The following DENND3 variants were observed in gnomAD, a reference collection of about 807,000 sequenced individuals.
DENND3 encodes the protein DENN domain-containing protein 3.
A neutral mutation model predicts 135.1 loss-of-function variants in DENND3; 88 were observed. The observed-to-expected ratio is 0.65, with a 90% CI of 0.55 to 0.78. The LOEUF (loss-of-function observed/expected upper bound fraction) is 0.78, where lower values mean the gene tolerates loss of function less well. Among genes scored for constraint, DENND3 ranks in the 30% least tolerant of loss-of-function variants. The probability of loss-of-function intolerance (pLI) is 0.00; values close to 1 mark genes in which losing one functional copy is unlikely to be tolerated. For missense variants in DENND3, 1,392 were observed against 1,688.4 expected (o/e 0.82, Z 3.08); for synonymous variants, 693 against 712.3 (o/e 0.97, Z 0.43).
chr8:141,145,818 TATATATATATATATATATATA>T (rs1817969288), intron 5 of DENND3, among the ~76,000 whole-genome samples: 2 of 30,240 alleles, frequency 6.6e-5, no homozygotes, highest in African/African-American at 5.2e-4. Flanking sequence ...TATATATATA[TATATATATATATATATATATA>T]TATATATATA....
intron 8 of DENND3, 30 bp from the exon 9 acceptor site, chr8:141,160,602 C>A: frequency 6.4e-7 from 1 of 1,571,444 alleles, no homozygotes; most frequent in Non-Finnish European, 8.7e-7. Context: ...GCTGCTGGGG[C>A]TGAGCTAGCT....
rs147664697 is a variant in DENND3, at chr8:141,141,415, G to T, written c.623+91G>T. 1.2e-3 allele frequency: 1,827 copies of T among 1,462,504 alleles called. 12 individuals are homozygous for T. In the African/African-American group the frequency reaches 0.021, roughly 17 times the overall value. The allele number at this position is 1,462,504 out of a possible 1,614,324, so 90.6% of individuals were successfully genotyped here. ...AAGGGACCAGGGGGCTGGAGGTGGT[G>T]GGGGGGCAGCTCTCTGTTCCTCTCC... On this transcript the variant is annotated intron_variant, in intron 4 of 22. Coordinates refer to ENST00000519811, the MANE Select transcript of DENND3 (RefSeq NM_001352890.3). This position sits in a 1 kb window ranked among gnomAD's most constrained non-coding sequence, Gnocchi z 5.3.
At chr8:141,164,199 C>T (rs1820486292) in intron 10 of DENND3, among the ~76,000 whole-genome samples, 1 of 152,242 alleles carries the variant, frequency 6.6e-6, no homozygotes, top group South Asian at 2.1e-4. Context: ...AGCTGGGCTA[C>T]TGTGTGTCTC....
Position 141,175,521 on chromosome 8 carries a change from AGTG to A in DENND3, c.2535+64_2535+66del. ...CTGTGTTTAGGAGACAGATGGCTGG[AGTG>A]GGCCCTGAGCAGTCTGCCAGCCATG... On this transcript the variant is annotated intron_variant, in intron 14 of 22. Transcript: ENST00000519811. This position sits in a 1 kb window ranked among gnomAD's most constrained non-coding sequence, Gnocchi z 5.4. The A allele has an allele frequency of 6.2e-7, 1 of 1,611,726 alleles. No homozygotes were observed. Among genetic ancestry groups the A allele is most frequent in the Middle Eastern group, 1.7e-4 (1 of 6,060 alleles).
rs1217006693 is a variant in DENND3, at chr8:141,175,213, A to G, written c.2289A>G (p.Gln763=). The G allele has an allele frequency of 1.2e-5, 19 of 1,613,448 alleles. No homozygotes were observed. The highest frequency in any genetic ancestry group is 1.4e-5 in the Non-Finnish European group (17 of 1,179,658). Reference sequence around the variant, plus strand: ...TATCAAACTAAGGACAGGAGAAACAAATCGACCCAGAAACATTCAAAGATT... The same window carrying G: ...TATCAAACTAAGGACAGGAGAAACAGATCGACCCAGAAACATTCAAAGATT... ...FEALTVGQEK[Q]IDPETFKDFY... is the part of the protein sequence containing the mutation. Residue 763 remains glutamine (Q), a synonymous_variant, in exon 14 of 23, where the codon CAA becomes CAG. Coordinates refer to ENST00000519811, the MANE Select transcript of DENND3 (RefSeq NM_001352890.3). The surrounding 1 kb of genome is among the most constrained non-coding windows in gnomAD (Gnocchi z 5.4).
chr8:141,190,661 C>T (rs2288996), intron 20 of DENND3: 72,718 of 492,964 alleles, frequency 0.15, 6,139 homozygotes, highest in Non-Finnish European at 0.18. Flanking sequence ...CTTGCCTGGA[C>T]GCACCACTGC....
intron 8 of DENND3, chr8:141,157,420 A>C (rs1819575914): frequency 4.1e-6 from 4 of 985,354 alleles, no homozygotes; most frequent in Non-Finnish European, 4.8e-6. Context: ...GCAGGAGGAG[A>C]GATCCTGCTC....
Position 141,175,528 on chromosome 8 carries a change from C to G in DENND3, c.2535+69C>G. On this transcript the variant is annotated intron_variant, in intron 14 of 22. Transcript: ENST00000519811. The surrounding 1 kb of genome is among the most constrained non-coding windows in gnomAD (Gnocchi z 5.4). Reference sequence around the variant, plus strand: ...TAGGAGACAGATGGCTGGAGTGGGCCCTGAGCAGTCTGCCAGCCATGCCAA... The same window carrying G: ...TAGGAGACAGATGGCTGGAGTGGGCGCTGAGCAGTCTGCCAGCCATGCCAA... 1 of 1,610,056 alleles carries G rather than the reference C, an allele frequency of 6.2e-7. No individual in the cohort carries two copies. Among genetic ancestry groups the G allele is most frequent in the Admixed American group, 1.7e-5 (1 of 59,976 alleles).
Position 141,130,577 on chromosome 8 carries a change from A to G in DENND3, c.102+1768A>G, listed in dbSNP as rs1358157008. Among the ~76,000 whole-genome samples, 6 of 152,166 alleles carry G rather than the reference A, an allele frequency of 3.9e-5. No individual in the cohort carries two copies. The highest frequency in any genetic ancestry group is 8.8e-5 in the Non-Finnish European group (6 of 68,032). On this transcript the variant is annotated intron_variant, in intron 1 of 22. Coordinates refer to ENST00000519811, the MANE Select transcript of DENND3 (RefSeq NM_001352890.3). The surrounding 1 kb of genome is among the most constrained non-coding windows in gnomAD (Gnocchi z 4.2). ...TTAGGGGATGGATTCCATTTCTTGG[A>G]GCCATCCTACTTTTAAGGTCAATAT... is the stretch of plus-strand genomic sequence containing the variant.
intron 18 of DENND3, 72 bp downstream of exon 18, chr8:141,185,350 A>G (rs776693839): frequency 1.3e-6 from 2 of 1,591,314 alleles, no homozygotes; most frequent in Admixed American, 1.7e-5. Context: ...GTGTTCATCC[A>G]TATTCGACAG....
At chr8:141,183,978 T>G (rs77911594) in intron 17 of DENND3, among the ~76,000 whole-genome samples, 2,256 of 152,242 alleles carry the variant, frequency 0.015, 59 homozygotes, top group African/African-American at 0.05. Flanking sequence ...TTTCGGCCCC[T>G]TGAGGTTCTG....
At chr8:141,169,374 C>T (rs114397654) in intron 13 of DENND3, among the ~76,000 whole-genome samples, 12 of 152,276 alleles carry the variant, frequency 7.9e-5, no homozygotes, top group African/African-American at 2.9e-4. Context: ...GAGCTGCGCT[C>T]TGTGTGGGTG....
rs1183158849 is a variant in DENND3 at position 141,194,057 on chromosome 8, G to A, written c.3661G>A (p.Gly1221Arg). 5 of 1,613,686 alleles carry A rather than the reference G, an allele frequency of 3.1e-6. No individual in the cohort carries two copies. Among genetic ancestry groups the A allele is most frequent in the Admixed American group, 1.7e-5 (1 of 60,008 alleles). Residue 1221 changes from glycine (G) to arginine (R), a missense_variant, in exon 23 of 23, where the codon GGG (glycine) becomes AGG (arginine). Physicochemically the swap from Gly to Arg is moderately radical, Grantham distance 125. Transcript: ENST00000519811. The stretch of plus-strand genomic sequence containing the variant: ...GGTCTGGGTGGGCAGCCGAGGGCTG[G>A]GGCAGGGAACACCCAAGGGGAAAAT... Reference protein sequence around the residue: ...KQVWVGSRGLGQGTPKGKIYV... With the variant: ...KQVWVGSRGLRQGTPKGKIYV...
chr8:141,128,934 C>A lies in DENND3; in HGVS notation c.102+125C>A. 1 of 702,770 alleles carries A rather than the reference C, an allele frequency of 1.4e-6. No homozygotes were observed. Among genetic ancestry groups the A allele is most frequent in the Non-Finnish European group, 2.1e-6 (1 of 486,346 alleles). The allele number at this position is 702,770 out of a possible 1,614,324, so 43.5% of individuals were successfully genotyped here. On this transcript the variant is annotated intron_variant, in intron 1 of 22. Transcript: ENST00000519811. The surrounding 1 kb of genome is among the most constrained non-coding windows in gnomAD (Gnocchi z 4.5). The stretch of plus-strand genomic sequence containing the variant: ...CTTTCCGAGGGCTGAGTCCCGGTCC[C>A]CCGGCGGTGACCCCGCGCGCCTGTG...
rs1368450908 is a variant in DENND3, at chr8:141,136,703, C to T, written c.297C>T (p.Leu99=). 1.9e-6 allele frequency: 3 copies of T among 1,612,384 alleles called. No individual in the cohort carries two copies. The highest frequency in any genetic ancestry group is 2.2e-5 in the East Asian group (1 of 44,826). Residue 99 remains leucine, a synonymous_variant, in exon 2 of 23, where the codon CTC becomes CTT. Coordinates refer to ENST00000519811, the MANE Select transcript of DENND3 (RefSeq NM_001352890.3). ...EKPRPEQWKG[L]PGPPRAPEPE... ...CCAGACCAGAGCAGTGGAAGGGCCTCCCGGGGCCCCCCAGAGCGCCAGAGC... is the reference window on the plus strand; with the variant it reads ...CCAGACCAGAGCAGTGGAAGGGCCTTCCGGGGCCCCCCAGAGCGCCAGAGC...
In DENND3 at chr8:141,138,762, C is replaced by G. The variant is rs1817096290; in HGVS notation, c.501+625C>G. 2.6e-5 allele frequency among the ~76,000 whole-genome samples: 4 copies of G among 152,206 alleles called. 1 individual carries two copies. In the South Asian group the frequency reaches 8.3e-4, roughly 31 times the overall value. On this transcript the variant is annotated intron_variant, in intron 3 of 22. Coordinates refer to ENST00000519811, the MANE Select transcript of DENND3 (RefSeq NM_001352890.3). This position sits in a 1 kb window ranked among gnomAD's most constrained non-coding sequence, Gnocchi z 4.8. ...GTGGACTCATACAGCATGTGGCCTG[C>G]TTGTCTGACTTCTTTCCCTCAGCAT...
intron 5 of DENND3, among the ~76,000 whole-genome samples, chr8:141,145,687 G>A (rs1175147491): frequency 6.6e-6 from 1 of 151,566 alleles, no homozygotes; most frequent in African/African-American, 2.4e-5. Context: ...TGGTTAGCAT[G>A]TCAGTTCATA....
intron 4 of DENND3, chr8:141,142,765 C>T (rs1053951064): frequency 4.8e-5 from 8 of 166,992 alleles, no homozygotes; most frequent in South Asian, 1.2e-4. Flanking sequence ...AGGTAAACAG[C>T]GTTTTCACTA....
At chr8:141,183,681 A>C (rs374188696) in intron 17 of DENND3, among the ~76,000 whole-genome samples, 23 of 151,506 alleles carry the variant, frequency 1.5e-4, no homozygotes, top group African/African-American at 5.1e-4. Context: ...TCAGGTGGGA[A>C]TGACGGGTGA....
Sources: allele counts gnomAD v4.1 joint callset (sites outside exome capture counted in the v4.1 genomes callset), GRCh38; gene constraint gnomAD v4.1.1; non-coding constraint Gnocchi (gnomAD v3.1); transcripts MANE v1.5; gene names NCBI Gene and HGNC (gene_info 2026-07-23, HGNC 2026-07-21).